The following CATSPERE variants were observed in gnomAD, a reference collection of about 807,000 sequenced individuals.
The protein encoded by CATSPERE is cation channel sperm-associated auxiliary subunit epsilon.
Under a neutral mutation model 114.1 loss-of-function variants are expected in CATSPERE, and 93 were observed. That is an observed-to-expected ratio of 0.81 (90% CI 0.69 to 0.97). CATSPERE has a LOEUF of 0.97. Among genes scored for constraint, CATSPERE ranks in the 50% least tolerant of loss-of-function variants. The pLI is 0.00. For missense variants in CATSPERE, 1,058 were observed against 1,131.6 expected, an observed-to-expected ratio of 0.93 and a Z score of 0.93; for synonymous variants, 341 against 384.1, an observed-to-expected ratio of 0.89 and a Z score of 1.31.
intron 8 of CATSPERE, among the ~76,000 whole-genome samples, chr1:244,522,604 A>G (rs186003528): frequency 2.5e-4 from 38 of 152,248 alleles, no homozygotes; most frequent in Non-Finnish European, 2.1e-4. Context: ...TAATAAAGAA[A>G]AAAAGAGAGA....
chr1:244,531,056 C>T (rs1324018811), intron 8 of CATSPERE, among the ~76,000 whole-genome samples: 1 of 150,954 alleles, frequency 6.6e-6, no homozygotes, highest in Non-Finnish European at 1.5e-5. Context: ...GCTGAAATCC[C>T]ATCTCTACTA....
intron 14 of CATSPERE, among the ~76,000 whole-genome samples, chr1:244,589,987 A>G (rs1667519141): frequency 6.6e-6 from 1 of 152,178 alleles, no homozygotes. Context: ...GAGACCTGGA[A>G]TAGCATGGGG....
In CATSPERE at chr1:244,539,243, G is replaced by C. The variant is rs552298926; in HGVS notation, c.537-13079G>C. Among the ~76,000 whole-genome samples, 2 of 150,584 alleles carry C rather than the reference G, an allele frequency of 1.3e-5. 1 individual carries two copies. The highest frequency in any genetic ancestry group is 4.9e-5 in the African/African-American group (2 of 41,086). ...CTATTGAGATAATCGTGTGGTTTTT[G>C]TCTTTGGTTCTGTTTATATGCTGGA... is the stretch of plus-strand genomic sequence containing the variant. On this transcript the variant is annotated intron_variant, in intron 8 of 21. Transcript: ENST00000366534.
At chr1:244,599,130 A>C (rs970612750) in intron 17 of CATSPERE, among the ~76,000 whole-genome samples, 4 of 152,172 alleles carry the variant, frequency 2.6e-5, no homozygotes, top group Non-Finnish European at 5.9e-5. Flanking sequence ...TTCGACCCAC[A>C]TCCCATTATC....
chr1:244,562,515 C>T (rs927683782), intron 10 of CATSPERE, among the ~76,000 whole-genome samples: 3 of 152,080 alleles, frequency 2.0e-5, no homozygotes. Context: ...CTCACTTACC[C>T]ACCAGCAAAG....
rs1279127710 is a variant in CATSPERE, at chr1:244,635,490, T to G, written c.2650T>G (p.Phe884Val). 1 of 1,610,738 alleles carries G rather than the reference T, an allele frequency of 6.2e-7. No individual in the cohort carries two copies. Among genetic ancestry groups the G allele is most frequent in the South Asian group, 1.1e-5 (1 of 90,944 alleles). Residue 884 changes from phenylalanine to valine, a missense_variant and splice_region_variant, in exon 21 of 22, where the codon TTC (phenylalanine) becomes GTC (valine). Around this residue, in one of 2 missense-constraint regions of CATSPERE, gnomAD observed 787 missense variants for 905.6 expected, o/e 0.87. Coordinates refer to ENST00000366534, the MANE Select transcript of CATSPERE (RefSeq NM_001130957.2). Reference protein sequence around the residue: ...RVKILDPNYSFCNLTAMFAIE... With the variant: ...RVKILDPNYSVCNLTAMFAIE... ...TCATATTATTTTTCTGCTTTGCAGT[T>G]TCTGTAACCTAACAGCTATGTTTGC...
upstream of CATSPERE, chr1:244,451,522 A>C: frequency 8.8e-7 from 1 of 1,140,522 alleles, no homozygotes; most frequent in Non-Finnish European, 1.2e-6. This position sits in a 1 kb window ranked among gnomAD's most constrained non-coding sequence, Gnocchi z 6.6. Context: ...CCTCAAGGTG[A>C]CACCTCATTT....
At position 244,477,919 on chromosome 1, in the gene CATSPERE, G is replaced by T. The variant is rs1178394955; in HGVS notation, c.202G>T (p.Glu68Ter). 2 of 1,607,704 alleles carry T rather than the reference G, an allele frequency of 1.2e-6. No individual in the cohort carries two copies. ...FVLNKSSPTT[E>*]LRCSSPGVHA... ...TTTAAACACTAGCTCACCCACGACA[G>T]AATTGCGTTGTTCCTCACCTGGTGT... is the stretch of plus-strand genomic sequence containing the variant. The change falls in exon 4 of 22, where the codon GAA (glutamate) becomes TAA (stop). Residue 68 changes from glutamate to a stop codon, truncating the protein, a stop_gained. Transcript: ENST00000366534. LOFTEE classifies it high-confidence loss of function.
chr1:244,544,619 GC>G (rs1659431301), intron 8 of CATSPERE, among the ~76,000 whole-genome samples: 1 of 152,188 alleles, frequency 6.6e-6, no homozygotes, highest in Non-Finnish European at 1.5e-5. Context: ...CAAAAGCAGT[GC>G]TGAATTCCTG....
At chr1:244,508,252 T>G (rs1295443820) in intron 7 of CATSPERE, among the ~76,000 whole-genome samples, 5 of 151,914 alleles carry the variant, frequency 3.3e-5, no homozygotes. Context: ...TCTTGATTTG[T>G]TTTTCAGCTA....
At chr1:244,539,136 A>G (rs1379038969) in intron 8 of CATSPERE, among the ~76,000 whole-genome samples, 1 of 152,158 alleles carries the variant, frequency 6.6e-6, no homozygotes, top group African/African-American at 2.4e-5. Flanking sequence ...CAGTGTTTTG[A>G]GATACGTCCC....
intron 14 of CATSPERE, among the ~76,000 whole-genome samples, chr1:244,589,052 G>A (rs898326090): frequency 1.4e-4 from 22 of 152,122 alleles, no homozygotes; most frequent in South Asian, 1.0e-3. Context: ...GAATTTTGTC[G>A]GTTCTACTAT....
At chr1:244,471,914 C>A (rs1443476329) in intron 2 of CATSPERE, among the ~76,000 whole-genome samples, 1 of 152,100 alleles carries the variant, frequency 6.6e-6, no homozygotes, top group Non-Finnish European at 1.5e-5. Flanking sequence ...TGTTATAAGG[C>A]AATGATATGT....
chr1:244,488,571 C>T (rs1190923141), intron 5 of CATSPERE, among the ~76,000 whole-genome samples: 3 of 152,208 alleles, frequency 2.0e-5, no homozygotes, highest in Non-Finnish European at 4.4e-5. Flanking sequence ...ACTTTAATGT[C>T]AGCTGATACT....
chr1:244,607,962 C>T lies in CATSPERE; in HGVS notation c.2403+2168C>T, dbSNP rs189968584. On this transcript the variant is annotated intron_variant, in intron 18 of 21. Transcript: ENST00000366534. This position sits in a 1 kb window ranked among gnomAD's most constrained non-coding sequence, Gnocchi z 4.4. ...TATCTCCTAAAAATAAAAAAATTAG[C>T]TGGGCATGCTGGCACACACCTGTAA... 2.0e-5 allele frequency among the ~76,000 whole-genome samples: 3 copies of T among 152,122 alleles called. No homozygotes were observed. In the East Asian group the frequency reaches 5.8e-4, roughly 29 times the overall value.
intron 9 of CATSPERE, among the ~76,000 whole-genome samples, chr1:244,557,532 C>CATATATATATATATATATATAT (rs61291602): frequency 2.5e-5 from 1 of 40,636 alleles, no homozygotes; most frequent in Admixed American, 4.0e-4. Flanking sequence ...TTGAAATATT[C>CATATATATATATATATATATAT]ATATATATAT....
intron 17 of CATSPERE, among the ~76,000 whole-genome samples, chr1:244,599,085 A>G (rs74152130): frequency 2.6e-5 from 4 of 152,266 alleles, no homozygotes; most frequent in Admixed American, 1.3e-4. Flanking sequence ...GGAGGATTGT[A>G]TGGGATGTTT....
chr1:244,484,805 G>A (rs192200202), intron 5 of CATSPERE, among the ~76,000 whole-genome samples: 2 of 152,064 alleles, frequency 1.3e-5, no homozygotes, highest in African/African-American at 4.8e-5. Flanking sequence ...ATCCTTTAAC[G>A]GTTCCTTTAG....
In CATSPERE at chr1:244,490,471, G is replaced by T. The variant is rs753347304; in HGVS notation, c.351G>T (p.Gln117His). The T allele has an allele frequency of 3.3e-6, 5 of 1,513,326 alleles. No homozygotes were observed. The highest frequency in any genetic ancestry group is 3.5e-5 in the Admixed American group (2 of 57,742). 93.7% of individuals were successfully genotyped at this position (1,513,326 alleles called of 1,614,324 possible). A position where few individuals can be genotyped will look rare whatever the true frequency, so the allele number is the denominator to read the frequency against. Residue 117 changes from glutamine (Q) to histidine (H), a missense_variant and splice_region_variant, in exon 6 of 22, where the codon CAG becomes CAT. Physicochemically the swap from Gln to His is conservative, Grantham distance 24. This residue lies in a region of CATSPERE where 271 missense variants were observed against 225.9 expected (regional missense o/e 1.20). Coordinates refer to ENST00000366534, the MANE Select transcript of CATSPERE (RefSeq NM_001130957.2). ...RVRHFFNNFT[Q>H]LITVWAYDPE... ...GACATTTCTTTAACAACTTTACCCA[G>T]GTAAAATATTTTTTAAATTTTGTAT... is the stretch of plus-strand genomic sequence containing the variant.
Sources: allele counts gnomAD v4.1 joint callset (sites outside exome capture counted in the v4.1 genomes callset), GRCh38; gene constraint gnomAD v4.1.1; regional missense constraint gnomAD v4.1.1; non-coding constraint Gnocchi (gnomAD v3.1); transcripts MANE v1.5; gene names NCBI Gene and HGNC (gene_info 2026-07-23, HGNC 2026-07-21).